KIF25: variants seen among roughly 807,000 people sequenced by gnomAD.
The protein encoded by KIF25 is kinesin family member 25, also known as kinesin-like protein KIF25.
A neutral mutation model predicts 32.9 loss-of-function variants in KIF25; 19 were observed. The observed-to-expected ratio is 0.58, with a 90% confidence interval of 0.40 to 0.85. The LOEUF (loss-of-function observed/expected upper bound fraction) is 0.85. Among genes scored for constraint, KIF25 ranks in the 40% least tolerant of loss-of-function variants. The pLI is 0.00. For missense variants in KIF25, 485 were observed against 507.0 expected (o/e 0.96, Z 0.42); for synonymous variants, 225 against 213.7 (o/e 1.05, Z -0.46).
At chr6:168,002,767 A>C (rs565269857) in intron 3 of KIF25, 108 bp downstream of exon 3, 3 of 152,252 alleles carry the variant, frequency 2.0e-5, no homozygotes, top group African/African-American at 7.2e-5. Context: ...AATATACAAC[A>C]AAATAATAAT....
At chr6:168,020,128 T>TCAAA (rs58439453) in intron 5 of KIF25, among the ~76,000 whole-genome samples, 44,890 of 150,214 alleles carry the variant, frequency 0.3, 7,083 homozygotes, top group East Asian at 0.59. Flanking sequence ...AGACTCCATC[T>TCAAA]CAAACAAACA....
At chr6:167,999,968 GACCACACCTGACCCTCCCCACT>G (rs1798474809) in intron 2 of KIF25, among the ~76,000 whole-genome samples, 1 of 54,710 alleles carries the variant, frequency 1.8e-5, no homozygotes, top group Non-Finnish European at 3.5e-5. Context: ...CTCCCATCCT[GACCACACCTGACCCTCCCCACT>G]CCCATCCTGA....
At chr6:168,022,494 T>A (rs1235331043) in intron 5 of KIF25, among the ~76,000 whole-genome samples, 1 of 152,182 alleles carries the variant, frequency 6.6e-6, no homozygotes, top group Non-Finnish European at 1.5e-5. Flanking sequence ...GCTGCAATCA[T>A]AGCTCTCTGC....
rs539882832 is a variant in KIF25 at position 168,033,847 on chromosome 6, G to A, written c.168-35G>A. On this transcript the variant is annotated intron_variant, in intron 7 of 12. Transcript: ENST00000643607. ...CCTGGAATCTTCTTGGCACCCACGT[G>A]TGTTTTGCTGGACTGAATCTGCTCT... 7.6e-6 allele frequency: 12 copies of A among 1,589,142 alleles called. No homozygotes were observed. The South Asian group carries it at 1.4e-4, about 18-fold the overall frequency.
intron 4 of KIF25, among the ~76,000 whole-genome samples, chr6:168,016,067 C>G (rs3807056): frequency 6.6e-6 from 1 of 151,906 alleles, no homozygotes; most frequent in Non-Finnish European, 1.5e-5. Flanking sequence ...GAACGGTCCC[C>G]GAAGTGGACA....
At chr6:168,044,741 C>G (rs1799192847) in intron 12 of KIF25, 86 bp from the exon 13 acceptor site, 1 of 1,369,502 alleles carries the variant, frequency 7.3e-7, no homozygotes, top group South Asian at 1.4e-5. Flanking sequence ...CTGCAGCCGC[C>G]CATCTCGGGC....
chr6:168,005,796 G>A (rs1798571800), intron 4 of KIF25, among the ~76,000 whole-genome samples: 1 of 152,194 alleles, frequency 6.6e-6, no homozygotes, highest in Admixed American at 6.5e-5. Flanking sequence ...ATTAGACGGT[G>A]CCCACCCAGA....
chr6:168,020,843 A>G (rs1446833085), intron 5 of KIF25, among the ~76,000 whole-genome samples: 1 of 152,216 alleles, frequency 6.6e-6, no homozygotes, highest in African/African-American at 2.4e-5. Context: ...TGGAAAAGAT[A>G]TATTTACCTG....
At chr6:168,003,469 G>C (rs1316578073) in intron 3 of KIF25, 145 bp from the exon 4 acceptor site, 1 of 149,502 alleles carries the variant, frequency 6.7e-6, no homozygotes, top group African/African-American at 2.6e-5. Flanking sequence ...TGATGGCAGA[G>C]AAGCAGAGGG....
intron 11 of KIF25, 62 bp from the exon 12 acceptor site, chr6:168,042,499 T>G: frequency 6.4e-7 from 1 of 1,569,442 alleles, no homozygotes; most frequent in Non-Finnish European, 8.7e-7. Context: ...AAGGAGCCGG[T>G]TTTGCTTTTC....
At chr6:168,014,455 G>A (rs2114877452) in intron 4 of KIF25, among the ~76,000 whole-genome samples, 1 of 152,242 alleles carries the variant, frequency 6.6e-6, no homozygotes, top group Non-Finnish European at 1.5e-5. Context: ...GGGACATTTT[G>A]GATTCTGTTT....
intron 4 of KIF25, among the ~76,000 whole-genome samples, chr6:168,017,155 T>C (rs1419658630): frequency 6.6e-6 from 1 of 152,220 alleles, no homozygotes; most frequent in East Asian, 1.9e-4. Context: ...AGCTTTTGTC[T>C]TTATAAAATA....
chr6:168,044,774 C>A (rs1799193191), intron 12 of KIF25, 53 bp from the exon 13 acceptor site: 4 of 1,513,218 alleles, frequency 2.6e-6, no homozygotes, highest in Non-Finnish European at 3.5e-6. Context: ...CATGTTGGCA[C>A]TTTCAGATGC....
chr6:168,032,170 C>CG lies in KIF25; in HGVS notation c.167+1325dup, dbSNP rs1160361885. 5.3e-5 allele frequency among the ~76,000 whole-genome samples: 8 copies of CG among 152,284 alleles called. No individual in the cohort carries two copies. In the East Asian group the frequency reaches 1.5e-3, roughly 29 times the overall value. ...GCTGCAGGGTATCGTGAGGCCTGTC[C>CG]GGCCCCCACTTCCCGTCATGGCCTG... On this transcript the variant is annotated intron_variant, in intron 7 of 12. Coordinates refer to ENST00000643607, the MANE Select transcript of KIF25 (RefSeq NM_030615.4).
At chr6:168,043,368 G>A (rs1352752301) in intron 12 of KIF25, among the ~76,000 whole-genome samples, 2 of 152,148 alleles carry the variant, frequency 1.3e-5, no homozygotes, top group African/African-American at 2.4e-5. Flanking sequence ...CCTGAGAAAC[G>A]GCCACTGCAG....
chr6:168,007,203 G>T lies in KIF25; in HGVS notation c.-163+3500G>T, dbSNP rs571484590. Among the ~76,000 whole-genome samples the T allele has an allele frequency of 3.9e-5, 6 of 152,254 alleles. No homozygotes were observed. In the South Asian group the frequency reaches 1.2e-3, roughly 32 times the overall value. On this transcript the variant is annotated intron_variant, in intron 4 of 12. Transcript: ENST00000643607. ...AGGCAGATGGATCACCTGAGGCCAG[G>T]AGTTCGACACCAGCCTGGCCAACAT...
intron 2 of KIF25, among the ~76,000 whole-genome samples, chr6:168,000,097 A>G (rs1583120724): frequency 4.7e-5 from 2 of 42,260 alleles, no homozygotes; most frequent in African/African-American, 1.1e-4. Flanking sequence ...TCCTGACCAC[A>G]CCTGACCCTC....
chr6:168,021,161 A>C (rs755219027), intron 5 of KIF25, among the ~76,000 whole-genome samples: 6 of 152,236 alleles, frequency 3.9e-5, no homozygotes, highest in Non-Finnish European at 7.3e-5. Context: ...AAATAAACCC[A>C]CACAGATGCA....
chr6:168,031,021 C>T (rs547082264), intron 7 of KIF25, among the ~76,000 whole-genome samples, 174 bp downstream of exon 7: 3 of 152,256 alleles, frequency 2.0e-5, no homozygotes, highest in East Asian at 1.9e-4. Context: ...AGACTATTTC[C>T]GCACCCTGGG....
Sources: allele counts gnomAD v4.1 joint callset (sites outside exome capture counted in the v4.1 genomes callset), GRCh38; gene constraint gnomAD v4.1.1; transcripts MANE v1.5; gene names NCBI Gene and HGNC (gene_info 2026-07-23, HGNC 2026-07-21).